SCARA5: variants seen among roughly 807,000 people sequenced by gnomAD.
SCARA5 encodes scavenger receptor class A member 5.
In SCARA5, 45 loss-of-function variants were observed where a neutral mutation model predicts 46.3. The observed-to-expected ratio is 0.97, with a 90% CI of 0.76 to 1.24. The LOEUF (loss-of-function observed/expected upper bound fraction) is 1.24, where lower values mean the gene tolerates loss of function less well. Among genes scored for constraint, SCARA5 ranks in the 50% most tolerant of loss-of-function variants. SCARA5 has a pLI of 0.00. For synonymous variants in SCARA5, 333 were observed against 306.5 expected, an observed-to-expected ratio of 1.09 and a Z score of -0.90; for missense variants, 680 against 689.0, an observed-to-expected ratio of 0.99 and a Z score of 0.15.
intron 2 of SCARA5, among the ~76,000 whole-genome samples, chr8:27,978,952 C>T (rs1226665573): frequency 3.3e-5 from 5 of 152,156 alleles, no homozygotes; most frequent in African/African-American, 9.7e-5. Flanking sequence ...CCAGGATCCA[C>T]GTTATCAGGT....
chr8:27,922,622 G>A (rs1197611296), intron 3 of SCARA5, among the ~76,000 whole-genome samples: 1 of 152,226 alleles, frequency 6.6e-6, no homozygotes, highest in South Asian at 2.1e-4. Context: ...CTAGGAAACT[G>A]CCAGTTGCGA....
intron 7 of SCARA5, among the ~76,000 whole-genome samples, chr8:27,892,838 C>T (rs1400880549): frequency 1.3e-5 from 2 of 152,142 alleles, no homozygotes; most frequent in Non-Finnish European, 2.9e-5. Context: ...GATCTCCTGA[C>T]CTCGTGATCC....
chr8:27,925,106 A>G (rs1054461693), intron 3 of SCARA5, among the ~76,000 whole-genome samples: 3 of 152,238 alleles, frequency 2.0e-5, no homozygotes, highest in Non-Finnish European at 4.4e-5. Flanking sequence ...CAAGCTACCA[A>G]TGACTTTCTT....
chr8:27,960,315 T>C (rs1161224745), intron 3 of SCARA5, among the ~76,000 whole-genome samples: 3 of 152,140 alleles, frequency 2.0e-5, no homozygotes. Flanking sequence ...TAGCTGGGAC[T>C]ACAGGTACAT....
intron 7 of SCARA5, among the ~76,000 whole-genome samples, chr8:27,883,753 G>GTGGA (rs1806847451): frequency 1.3e-5 from 2 of 152,156 alleles, no homozygotes; most frequent in South Asian, 4.1e-4. Flanking sequence ...TGGGGTAGGG[G>GTGGA]TGGACATTGT....
At chr8:27,880,947 C>T (rs1450695827) in intron 7 of SCARA5, among the ~76,000 whole-genome samples, 1 of 149,862 alleles carries the variant, frequency 6.7e-6, no homozygotes, top group Non-Finnish European at 1.5e-5. Flanking sequence ...TGAAAAAATG[C>T]TCATCGTTAC....
intron 4 of SCARA5, 134 bp downstream of exon 4, chr8:27,921,437 T>C (rs981561850): frequency 1.1e-5 from 8 of 707,006 alleles, no homozygotes; most frequent in Non-Finnish European, 1.5e-5. Context: ...TTAGAGAGTA[T>C]GGGGCTGGGA....
intron 3 of SCARA5, among the ~76,000 whole-genome samples, chr8:27,926,547 A>T (rs914403418): frequency 1.3e-5 from 2 of 152,160 alleles, no homozygotes; most frequent in African/African-American, 4.8e-5. Flanking sequence ...GTTGTATCAA[A>T]CCTGCACGTT....
At chr8:27,876,508 G>A (rs1806726482) in intron 8 of SCARA5, among the ~76,000 whole-genome samples, 1 of 152,174 alleles carries the variant, frequency 6.6e-6, no homozygotes, top group Non-Finnish European at 1.5e-5. Flanking sequence ...GTTCTGGCTG[G>A]GATGGGGTCT....
chr8:27,907,269 G>C, intron 5 of SCARA5, 23 bp from the exon 6 acceptor site: 1 of 1,569,376 alleles, frequency 6.4e-7, no homozygotes, highest in Non-Finnish European at 8.8e-7. Context: ...CAGACAAATG[G>C]CAGAGCCTCA....
chr8:27,937,133 C>T (rs7357467), intron 3 of SCARA5, among the ~76,000 whole-genome samples: 2 of 152,328 alleles, frequency 1.3e-5, no homozygotes, highest in South Asian at 2.1e-4. Context: ...AACACAGAAC[C>T]TTGCACCTGG....
intron 3 of SCARA5, among the ~76,000 whole-genome samples, chr8:27,944,677 C>T (rs1808004301): frequency 7.0e-6 from 1 of 142,374 alleles, no homozygotes; most frequent in Admixed American, 7.2e-5. Context: ...GCCTGGCCAA[C>T]ATGGTGAAAC....
chr8:27,930,724 T>C (rs113601566), intron 3 of SCARA5, among the ~76,000 whole-genome samples: 3,615 of 152,310 alleles, frequency 0.024, 139 homozygotes, highest in African/African-American at 0.083. Flanking sequence ...TTTTGTAAAT[T>C]GCCCAGTCTT....
At chr8:27,980,455 C>G (rs1808595838) in intron 2 of SCARA5, among the ~76,000 whole-genome samples, 1 of 152,218 alleles carries the variant, frequency 6.6e-6, no homozygotes, top group African/African-American at 2.4e-5. Context: ...TGGCATCCCC[C>G]TCAGACCCTC....
chr8:27,874,899 G>A (rs192234472), intron 8 of SCARA5, among the ~76,000 whole-genome samples: 1 of 151,974 alleles, frequency 6.6e-6, no homozygotes, highest in Admixed American at 6.5e-5. Context: ...CTTCCACCTC[G>A]CCATTTGCAT....
chr8:27,887,679 T>A (rs1047954089), intron 7 of SCARA5, among the ~76,000 whole-genome samples: 4 of 152,146 alleles, frequency 2.6e-5, no homozygotes, highest in South Asian at 2.1e-4. Context: ...ACAGGGCTCA[T>A]CTCTGTTCAT....
chr8:27,969,644 A>C (rs1808418753), intron 2 of SCARA5, among the ~76,000 whole-genome samples: 1 of 152,200 alleles, frequency 6.6e-6, no homozygotes. Context: ...CCTAATGTAA[A>C]TGATGGGCTC....
rs1471942394 is a variant in SCARA5 at position 27,987,655 on chromosome 8, A to G, written c.-15-25T>C. ...GCTGCAGAGAAGGCAAGAGGGGAGGAGAGGGAGGACGAAGGCCGGGAGAGA... is the reference window on the plus strand; with the variant it reads ...GCTGCAGAGAAGGCAAGAGGGGAGGGGAGGGAGGACGAAGGCCGGGAGAGA... On this transcript the variant is annotated intron_variant, in intron 1 of 8. Coordinates refer to ENST00000354914, the MANE Select transcript of SCARA5 (RefSeq NM_173833.6). 4 of 1,410,234 alleles carry G rather than the reference A, an allele frequency of 2.8e-6. No individual in the cohort carries two copies. The East Asian group carries it at 6.8e-5, about 24-fold the overall frequency. The allele number at this position is 1,410,234 out of a possible 1,614,324, so 87.4% of individuals were successfully genotyped here.
chr8:27,907,307 G>A (rs1044084137), intron 5 of SCARA5, 61 bp from the exon 6 acceptor site: 2 of 1,253,262 alleles, frequency 1.6e-6, no homozygotes, highest in African/African-American at 1.5e-5. Flanking sequence ...ACCCTCAGAG[G>A]TCATCGTCGG....
Sources: allele counts gnomAD v4.1 joint callset (sites outside exome capture counted in the v4.1 genomes callset), GRCh38; gene constraint gnomAD v4.1.1; transcripts MANE v1.5; gene names NCBI Gene and HGNC (gene_info 2026-07-23, HGNC 2026-07-21).